Variants in HAS3 observed in about 807,000 individuals in gnomAD.
HAS3 encodes HA synthase 3.
HAS3 carries 27 observed loss-of-function variants against 50.3 expected under a neutral mutation model. The observed-to-expected ratio is 0.54, with a 90% CI of 0.40 to 0.74. The LOEUF (loss-of-function observed/expected upper bound fraction) is 0.74. Ranked by LOEUF, HAS3 falls within the 30% of genes least tolerant of loss-of-function variation. The probability of loss-of-function intolerance (pLI) is 0.00; values close to 1 mark genes in which losing one functional copy is unlikely to be tolerated. For missense variants in HAS3, 517 were observed against 742.8 expected (o/e 0.70, Z 3.53); for synonymous variants, 339 against 310.9 (o/e 1.09, Z -0.95).
In HAS3 at chr16:69,113,521, G is replaced by A. The variant is rs1426541889; in HGVS notation, c.717G>A (p.Gly239=). The change falls in exon 3 of 4, where the codon GGG becomes GGA. Residue 239 remains glycine (G), a synonymous_variant. Transcript: ENST00000569188. ...LRVLEEDPQV[G]GVGGDVQILN... ...TCCTGGAGGAGGATCCCCAAGTAGG[G>A]GGAGTCGGGGGAGATGTCCAGGTAA... 6.2e-7 allele frequency: 1 copy of A among 1,607,174 alleles called. No homozygotes were observed. Among genetic ancestry groups the A allele is most frequent in the East Asian group, 2.2e-5 (1 of 44,832 alleles).
At chr16:69,102,317 A>C (rs1195444794), upstream of HAS3, among the ~76,000 whole-genome samples, 5 of 152,266 alleles carry the variant, frequency 3.3e-5, no homozygotes, top group African/African-American at 1.2e-4. Context: ...ATCTGAATTC[A>C]TGTTTTTAAG....
the HAS3 span, among the ~76,000 whole-genome samples, chr16:69,095,393 C>T: frequency 7.3e-4 from 111 of 152,100 alleles, 1 homozygote; most frequent in Admixed American, 1.7e-3. Context: ...TAGAGCTCAC[C>T]GCCTGACTGG....
chr16:69,117,691 A>C (rs1292830669), downstream of HAS3: 2 of 961,004 alleles, frequency 2.1e-6, no homozygotes, highest in Admixed American at 6.2e-5. Context: ...ATTTAATGAA[A>C]GCTAGCTCTT....
Position 69,109,271 on chromosome 16 carries a change from C to G in HAS3, c.1-125C>G, listed in dbSNP as rs536654209. ...GCTTCTGAGTCTACCAAGTCTTATG[C>G]TCAGTAAGCGGTAACGGTTTTGATC... On this transcript the variant is annotated intron_variant, in intron 1 of 3. Transcript: ENST00000569188. This position sits in a 1 kb window ranked among gnomAD's most constrained non-coding sequence, Gnocchi z 5.3. 3 of 954,626 alleles carry G rather than the reference C, an allele frequency of 3.1e-6. No homozygotes were observed. Among genetic ancestry groups the G allele is most frequent in the African/African-American group, 3.3e-5 (2 of 60,748 alleles). The allele number at this position is 954,626 out of a possible 1,614,324, so 59.1% of individuals were successfully genotyped here.
downstream of HAS3, chr16:69,118,147 ATT>A (rs2152263184): frequency 4.1e-6 from 2 of 489,836 alleles, no homozygotes; most frequent in Non-Finnish European, 3.6e-6. Flanking sequence ...TAATTCCCAT[ATT>A]CCCATCCACA....
intron 3 of HAS3, among the ~76,000 whole-genome samples, chr16:69,113,868 A>C (rs1424184286): frequency 6.6e-6 from 1 of 152,186 alleles, no homozygotes; most frequent in Non-Finnish European, 1.5e-5. Flanking sequence ...CAGATCCTTG[A>C]GCAGCCCTTG....
At chr16:69,098,271 T>C in the HAS3 span, among the ~76,000 whole-genome samples, 57 of 151,904 alleles carry the variant, frequency 3.8e-4, no homozygotes, top group Middle Eastern at 3.4e-3. Flanking sequence ...CTCAGGAGGC[T>C]GAGGCAGGAG....
chr16:69,098,002 T>A, the HAS3 span, among the ~76,000 whole-genome samples: 15 of 152,188 alleles, frequency 9.9e-5, no homozygotes, highest in African/African-American at 3.6e-4. Flanking sequence ...CCACTTTATT[T>A]ACTGCTTTCA....
chr16:69,104,196 T>A (rs1301150918), upstream of HAS3, among the ~76,000 whole-genome samples: 1 of 152,002 alleles, frequency 6.6e-6, no homozygotes, highest in Non-Finnish European at 1.5e-5. Context: ...GCTCAAGCAA[T>A]TCTCCTGCCT....
Position 69,115,260 on chromosome 16 carries a change from G to T in HAS3, c.1656G>T (p.Glu552Asp). Residue 552 changes from glutamate to aspartate, a missense_variant, in exon 4 of 4, where the codon GAG becomes GAT. Physicochemically the swap from Glu to Asp is conservative, Grantham distance 45. Transcript: ENST00000569188. The part of the protein sequence containing the change: ...KPEQYSLAFA[E>D]V The stretch of plus-strand genomic sequence containing the variant: ...AGCAGTACAGCTTGGCTTTTGCTGA[G>T]GTGTGACATGGCCCCCAAGCAGAGC... 6.6e-7 allele frequency: 1 copy of T among 1,517,764 alleles called. No individual in the cohort carries two copies. The highest frequency in any genetic ancestry group is 1.3e-5 in the South Asian group (1 of 75,266). 94.0% of individuals were successfully genotyped at this position (1,517,764 alleles called of 1,614,324 possible).
upstream of HAS3, among the ~76,000 whole-genome samples, chr16:69,101,205 C>T (rs1457154047): frequency 1.3e-5 from 2 of 152,240 alleles, no homozygotes; most frequent in East Asian, 1.9e-4. Flanking sequence ...TCCTCCACTC[C>T]GGTCCTAGCA....
At chr16:69,118,421 G>C (rs375441522), downstream of HAS3, 1 of 1,613,210 alleles carries the variant, frequency 6.2e-7, no homozygotes, top group Non-Finnish European at 8.5e-7. Context: ...AGCTACGGAA[G>C]CATGGTCCGT....
At position 69,114,547 on chromosome 16, in the gene HAS3, G is replaced by C. The variant is rs1184594713; in HGVS notation, c.943G>C (p.Gly315Arg). ...QKFLGSKCSFGDDRHLTNRVL... is the reference protein window; with the variant it reads ...QKFLGSKCSFRDDRHLTNRVL... ...GTTCCTAGGCAGCAAGTGCAGCTTC[G>C]GGGATGACCGGCACCTCACCAACCG... Residue 315 changes from glycine to arginine, a missense_variant, in exon 4 of 4, where the codon GGG (glycine) becomes CGG (arginine). Transcript: ENST00000569188. This position sits in a 1 kb window ranked among gnomAD's most constrained non-coding sequence, Gnocchi z 6.4. 6.2e-7 allele frequency: 1 copy of C among 1,613,948 alleles called. No homozygotes were observed. The highest frequency in any genetic ancestry group is 1.3e-5 in the African/African-American group (1 of 74,902).
At chr16:69,092,142 C>T in the HAS3 span, among the ~76,000 whole-genome samples, 5 of 152,282 alleles carry the variant, frequency 3.3e-5, no homozygotes, top group South Asian at 4.1e-4. Flanking sequence ...GAGGCACACA[C>T]GAGGCTAATT....
downstream of HAS3, chr16:69,118,166 T>C (rs564160374): frequency 1.3e-5 from 7 of 532,436 alleles, no homozygotes; most frequent in Non-Finnish European, 2.4e-5. Flanking sequence ...CACATCAGTT[T>C]AAATTTTGAG....
the HAS3 span, among the ~76,000 whole-genome samples, chr16:69,087,370 A>G: frequency 8.5e-5 from 13 of 152,332 alleles, no homozygotes; most frequent in East Asian, 2.1e-3. Context: ...CTTCCTGAAC[A>G]TTCTGGAGAG....
chr16:69,105,528 G>T (rs563901290), upstream of HAS3: 6 of 152,340 alleles, frequency 3.9e-5, no homozygotes, highest in South Asian at 6.2e-4. Flanking sequence ...AACCTCCAAG[G>T]TTCCTACAAA....
At chr16:69,092,116 T>G in the HAS3 span, among the ~76,000 whole-genome samples, 1 of 152,186 alleles carries the variant, frequency 6.6e-6, no homozygotes, top group Non-Finnish European at 1.5e-5. Flanking sequence ...GACCCTGTTC[T>G]ACAGATAGGA....
Position 69,116,120 on chromosome 16 carries a change from T to A in HAS3, c.*854T>A. ...TTCAGAAAAGAAGTGAAGTCTTGGG[T>A]ATTTTAACCTGTATACTCTTGAATT... On this transcript the variant is annotated 3_prime_UTR_variant, in exon 4 of 4. Coordinates refer to ENST00000569188, the MANE Select transcript of HAS3 (RefSeq NM_001199280.2). 1 of 985,466 alleles carries A rather than the reference T, an allele frequency of 1.0e-6. No individual in the cohort carries two copies. The highest frequency in any genetic ancestry group is 1.2e-6 in the Non-Finnish European group (1 of 829,906). 61.0% of individuals were successfully genotyped at this position (985,466 alleles called of 1,614,324 possible). A position where few individuals can be genotyped will look rare whatever the true frequency, so the allele number is the denominator to read the frequency against.
Sources: allele counts gnomAD v4.1 joint callset (sites outside exome capture counted in the v4.1 genomes callset), GRCh38; gene constraint gnomAD v4.1.1; non-coding constraint Gnocchi (gnomAD v3.1); transcripts MANE v1.5; gene names NCBI Gene and HGNC (gene_info 2026-07-23, HGNC 2026-07-21).